The following ARL15 variants were observed in gnomAD, a reference collection of about 807,000 sequenced individuals.
ARL15 encodes the protein ARF like GTPase 15.
ARL15 carries 19 observed loss-of-function variants against 25.2 expected under a neutral mutation model. The ratio of observed to expected loss-of-function variants is 0.75; its 90% CI spans 0.53 to 1.10. The LOEUF (loss-of-function observed/expected upper bound fraction) is 1.10, where lower values mean the gene tolerates loss of function less well. ARL15 is among the 50% of genes least tolerant of loss of function. ARL15 has a pLI of 0.00. For synonymous variants in ARL15, 94 were observed against 86.8 expected, an observed-to-expected ratio of 1.08 and a Z score of -0.46; for missense variants, 220 against 246.0, an observed-to-expected ratio of 0.89 and a Z score of 0.71.
At chr5:54,309,735 A>G (rs950682722) in intron 1 of ARL15, among the ~76,000 whole-genome samples, 1 of 152,244 alleles carries the variant, frequency 6.6e-6, no homozygotes, top group Admixed American at 6.5e-5. Flanking sequence ...GTTCGGTCCC[A>G]GCACTGTGCT....
chr5:54,215,382 G>A (rs1219270566), intron 1 of ARL15, among the ~76,000 whole-genome samples: 2 of 152,038 alleles, frequency 1.3e-5, no homozygotes, highest in Non-Finnish European at 2.9e-5. Context: ...TCTGCTGCAC[G>A]GCCAGTCTAG....
intron 4 of ARL15, among the ~76,000 whole-genome samples, chr5:54,060,258 C>G (rs578260065): frequency 4.0e-5 from 6 of 151,706 alleles, no homozygotes; most frequent in Non-Finnish European, 8.8e-5. Flanking sequence ...CATGGTGAAA[C>G]CCTGTGTCTA....
At chr5:54,181,173 G>A (rs1755045180) in intron 1 of ARL15, among the ~76,000 whole-genome samples, 1 of 152,018 alleles carries the variant, frequency 6.6e-6, no homozygotes, top group Non-Finnish European at 1.5e-5. Context: ...CAGAGGAATA[G>A]GATTTTTTTC....
intron 4 of ARL15, among the ~76,000 whole-genome samples, chr5:54,056,622 T>C (rs1750877279): frequency 8.0e-6 from 1 of 125,034 alleles, no homozygotes; most frequent in Non-Finnish European, 1.6e-5. Context: ...AGAGTAAAAC[T>C]GTCTAAAAAA....
At position 54,163,358 on chromosome 5, in the gene ARL15, T is replaced by G. The variant is rs1323386771; in HGVS notation, c.193+8426A>C. Reference sequence around the variant, plus strand: ...CCATGAGGGCTATTGGTATGAAGCTTTTTTTTTTTTTTTTTTTTTTTTTTT... The same window carrying G: ...CCATGAGGGCTATTGGTATGAAGCTGTTTTTTTTTTTTTTTTTTTTTTTTT... On this transcript the variant is annotated intron_variant, in intron 2 of 4. Coordinates refer to ENST00000504924, the MANE Select transcript of ARL15 (RefSeq NM_019087.3). Among the ~76,000 whole-genome samples, 7 of 10,148 alleles carry G rather than the reference T, an allele frequency of 6.9e-4. 1 individual carries two copies. The highest frequency in any genetic ancestry group is 2.0e-3 in the Admixed American group (1 of 500). 6.7% of individuals were successfully genotyped at this position (10,148 alleles called of 152,430 possible).
At chr5:53,998,250 C>T (rs1003219134) in intron 4 of ARL15, among the ~76,000 whole-genome samples, 2 of 143,044 alleles carry the variant, frequency 1.4e-5, no homozygotes, top group African/African-American at 5.2e-5. Context: ...ATGTATCGTT[C>T]TTTTCCAAAG....
chr5:54,009,804 G>A (rs1475350213), intron 4 of ARL15, among the ~76,000 whole-genome samples: 2 of 152,206 alleles, frequency 1.3e-5, no homozygotes, highest in African/African-American at 4.8e-5. Context: ...GGAAATGGCA[G>A]GCAGGGAGAG....
chr5:54,184,757 A>G (rs1200348410), intron 1 of ARL15, among the ~76,000 whole-genome samples: 1 of 152,090 alleles, frequency 6.6e-6, no homozygotes, highest in East Asian at 1.9e-4. Context: ...TCTACTAGTC[A>G]CCAATTCCTA....
At chr5:53,894,622 G>A (rs1468274786) in intron 4 of ARL15, among the ~76,000 whole-genome samples, 3 of 151,980 alleles carry the variant, frequency 2.0e-5, no homozygotes, top group Non-Finnish European at 4.4e-5. Context: ...TTGTCTTCAG[G>A]GACTAATGAA....
At chr5:54,153,085 A>G (rs1285738686) in intron 3 of ARL15, among the ~76,000 whole-genome samples, 1 of 152,218 alleles carries the variant, frequency 6.6e-6, no homozygotes, top group Non-Finnish European at 1.5e-5. Flanking sequence ...AAAATAAAAT[A>G]CTTAGTAACA....
intron 4 of ARL15, among the ~76,000 whole-genome samples, chr5:53,998,774 G>A (rs1453717291): frequency 6.6e-6 from 1 of 152,150 alleles, no homozygotes; most frequent in East Asian, 1.9e-4. Flanking sequence ...GTTACAAAAT[G>A]AAAAGGCCTG....
intron 1 of ARL15, among the ~76,000 whole-genome samples, chr5:54,241,336 G>A (rs1227784409): frequency 6.6e-6 from 1 of 151,944 alleles, no homozygotes; most frequent in Non-Finnish European, 1.5e-5. Context: ...CAATGGTTGT[G>A]GTAGTAAAAA....
chr5:54,257,965 T>C (rs543941415), intron 1 of ARL15, among the ~76,000 whole-genome samples: 68 of 152,220 alleles, frequency 4.5e-4, no homozygotes, highest in Non-Finnish European at 8.4e-4. Flanking sequence ...AACTGTTCTG[T>C]AGACACTGGC....
chr5:54,119,079 T>C (rs920473412), intron 3 of ARL15, among the ~76,000 whole-genome samples: 1 of 152,196 alleles, frequency 6.6e-6, no homozygotes, highest in South Asian at 2.1e-4. Context: ...TCACTATGGT[T>C]CATGCCTTCA....
At position 54,074,459 on chromosome 5, in the gene ARL15, C is replaced by G. The variant is rs369995883; in HGVS notation, c.462+38743G>C. On this transcript the variant is annotated intron_variant, in intron 4 of 4. Transcript: ENST00000504924. Reference sequence around the variant, plus strand: ...AATCCAAGAGTAAGCTAATAAACAACTGAGAAGAAGGAAGAAGAATAAAGA... The same window carrying G: ...AATCCAAGAGTAAGCTAATAAACAAGTGAGAAGAAGGAAGAAGAATAAAGA... Among the ~76,000 whole-genome samples, 33 of 152,186 alleles carry G rather than the reference C, an allele frequency of 2.2e-4. 1 individual carries two copies. The highest frequency in any genetic ancestry group is 7.7e-4 in the African/African-American group (32 of 41,552).
intron 3 of ARL15, among the ~76,000 whole-genome samples, chr5:54,149,012 C>T (rs1753988946): frequency 6.6e-6 from 1 of 152,204 alleles, no homozygotes; most frequent in Admixed American, 6.5e-5. Flanking sequence ...ATTATCAGAG[C>T]TGTGACATCA....
intron 4 of ARL15, among the ~76,000 whole-genome samples, chr5:53,935,865 C>A (rs1746333410): frequency 6.6e-6 from 1 of 152,164 alleles, no homozygotes; most frequent in African/African-American, 2.4e-5. Flanking sequence ...TCTCCTGCCT[C>A]AGCCTGCTGA....
At chr5:54,022,504 A>C (rs2111845364) in intron 4 of ARL15, among the ~76,000 whole-genome samples, 1 of 152,270 alleles carries the variant, frequency 6.6e-6, no homozygotes, top group Middle Eastern at 3.4e-3. Context: ...AGATTAGCTC[A>C]CAGGAAAGGA....
intron 2 of ARL15, among the ~76,000 whole-genome samples, chr5:54,162,291 C>T (rs1324217540): frequency 3.3e-5 from 5 of 152,130 alleles, no homozygotes; most frequent in Non-Finnish European, 5.9e-5. Context: ...TTTTCTCCTA[C>T]ATCATTACTT....
Sources: gnomAD v4.1 joint callset for allele counts (sites outside exome capture counted in the v4.1 genomes callset) on GRCh38, gnomAD v4.1.1 for gene constraint, MANE v1.5 for transcripts, NCBI Gene and HGNC (gene_info 2026-07-23, HGNC 2026-07-21) for gene names.